LRRC8D: variants seen among roughly 807,000 people sequenced by gnomAD.
The protein encoded by LRRC8D is volume-regulated anion channel subunit LRRC8D.
In LRRC8D, 20 loss-of-function variants were observed where a neutral mutation model predicts 55.8. The observed-to-expected ratio is 0.36, with a 90% confidence interval of 0.25 to 0.52. The LOEUF (loss-of-function observed/expected upper bound fraction) is 0.52. LRRC8D is among the 20% of genes least tolerant of loss of function. The probability of loss-of-function intolerance (pLI) is 0.93; values close to 1 mark genes in which losing one functional copy is unlikely to be tolerated. For missense variants in LRRC8D, 651 were observed against 1,030.8 expected (o/e 0.63, Z 5.05); for synonymous variants, 352 against 377.0 (o/e 0.93, Z 0.77).
intron 2 of LRRC8D, among the ~76,000 whole-genome samples, chr1:89,930,324 A>G (rs1479247941): frequency 6.6e-6 from 1 of 152,172 alleles, no homozygotes; most frequent in Non-Finnish European, 1.5e-5. Context: ...CCTCCCAAGT[A>G]GCTGGGATTA....
chr1:89,827,678 A>G (rs1440529832), intron 1 of LRRC8D, among the ~76,000 whole-genome samples: 6 of 152,206 alleles, frequency 3.9e-5, no homozygotes, highest in Non-Finnish European at 7.3e-5. Context: ...ACTTTATTCT[A>G]ATAAGCCCAA....
At chr1:89,824,976 C>T (rs1461951559) in intron 1 of LRRC8D, among the ~76,000 whole-genome samples, 1 of 152,156 alleles carries the variant, frequency 6.6e-6, no homozygotes, top group Non-Finnish European at 1.5e-5. Context: ...TCAAAACCCC[C>T]AGATATTTGC....
At chr1:89,890,187 C>T (rs1425442135) in intron 2 of LRRC8D, among the ~76,000 whole-genome samples, 2 of 151,638 alleles carry the variant, frequency 1.3e-5, no homozygotes, top group African/African-American at 2.4e-5. Flanking sequence ...GACTCTGTCT[C>T]AATAAATAAA....
chr1:89,821,352 G>A (rs1427178560), intron 1 of LRRC8D, 61 bp downstream of exon 1: 1 of 152,136 alleles, frequency 6.6e-6, no homozygotes, highest in East Asian at 1.9e-4. Context: ...CGCGCAGGTG[G>A]AGCCGCGCCG....
intron 2 of LRRC8D, among the ~76,000 whole-genome samples, chr1:89,896,396 G>A (rs769984871): frequency 6.6e-6 from 1 of 152,180 alleles, no homozygotes; most frequent in Non-Finnish European, 1.5e-5. Flanking sequence ...TGCCTGGCTC[G>A]TGGTCACGTA....
chr1:89,897,206 C>T (rs888170141), intron 2 of LRRC8D, among the ~76,000 whole-genome samples: 1 of 152,190 alleles, frequency 6.6e-6, no homozygotes, highest in African/African-American at 2.4e-5. Flanking sequence ...AATTCAGTGG[C>T]AATATACCTT....
rs11662 is a variant in LRRC8D at position 89,935,846 on chromosome 1, A to G, written c.*201A>G. 0.052 allele frequency: 19,727 copies of G among 378,388 alleles called. 2,374 individuals carry two copies. Among genetic ancestry groups the G allele is most frequent in the African/African-American group, 0.32 (14,905 of 46,878 alleles). 23.4% of individuals were successfully genotyped at this position (378,388 alleles called of 1,614,324 possible). A position where few individuals can be genotyped will look rare whatever the true frequency, so the allele number is the denominator to read the frequency against. ...GTTTTAAGTCATTCATTTCCAAATC[A>G]TTTTTTTTTTTCTTTTGGGGAAAGG... is the stretch of plus-strand genomic sequence containing the variant. On this transcript the variant is annotated 3_prime_UTR_variant, in exon 3 of 3. Transcript: ENST00000337338.
At chr1:89,903,191 T>C (rs1662907883) in intron 2 of LRRC8D, among the ~76,000 whole-genome samples, 1 of 151,488 alleles carries the variant, frequency 6.6e-6, no homozygotes, top group East Asian at 1.9e-4. Flanking sequence ...ATCATTGCAC[T>C]GTATGTTCTC....
intron 2 of LRRC8D, among the ~76,000 whole-genome samples, chr1:89,853,333 G>A (rs1395371425): frequency 6.6e-6 from 1 of 152,174 alleles, no homozygotes; most frequent in Admixed American, 6.5e-5. Flanking sequence ...TGTCTGTGGG[G>A]CATTCTTTTG....
At chr1:89,840,378 T>C (rs1345420705) in intron 1 of LRRC8D, among the ~76,000 whole-genome samples, 1 of 152,198 alleles carries the variant, frequency 6.6e-6, no homozygotes, top group Non-Finnish European at 1.5e-5. Flanking sequence ...TGTCAGGGGC[T>C]GTGTTGTATT....
chr1:89,915,012 T>C (rs1430277871), intron 2 of LRRC8D, among the ~76,000 whole-genome samples: 6 of 146,774 alleles, frequency 4.1e-5, no homozygotes, highest in African/African-American at 1.6e-4. Context: ...TCTATCTTGC[T>C]CTACTGTGTG....
At chr1:89,821,616 C>T (rs1660634392) in intron 1 of LRRC8D, among the ~76,000 whole-genome samples, 1 of 152,184 alleles carries the variant, frequency 6.6e-6, no homozygotes, top group Non-Finnish European at 1.5e-5. Context: ...GCGCTCCCTT[C>T]TCTCACCTCC....
chr1:89,839,484 A>G (rs1432337356), intron 1 of LRRC8D, among the ~76,000 whole-genome samples: 3 of 152,092 alleles, frequency 2.0e-5, no homozygotes, highest in African/African-American at 7.2e-5. Flanking sequence ...TCTTACAGGC[A>G]TATTTTTTTT....
chr1:89,824,046 G>T (rs1201951288), intron 1 of LRRC8D, among the ~76,000 whole-genome samples: 2 of 152,174 alleles, frequency 1.3e-5, no homozygotes, highest in Non-Finnish European at 2.9e-5. Context: ...AGACATTGAG[G>T]AATGTCGGAG....
intron 2 of LRRC8D, among the ~76,000 whole-genome samples, chr1:89,856,415 A>C (rs1661554927): frequency 6.6e-6 from 1 of 152,230 alleles, no homozygotes; most frequent in Non-Finnish European, 1.5e-5. Flanking sequence ...ATGAGAGGTT[A>C]TTTTAAAGAA....
intron 2 of LRRC8D, among the ~76,000 whole-genome samples, chr1:89,875,661 T>G (rs1662128915): frequency 6.6e-6 from 1 of 152,232 alleles, no homozygotes; most frequent in Non-Finnish European, 1.5e-5. Context: ...TGTTGTCATC[T>G]GACACTGTAC....
chr1:89,934,250 A>T lies in LRRC8D; in HGVS notation c.1182A>T (p.Glu394Asp). The change falls in exon 3 of 3, where the codon GAA becomes GAT. Residue 394 changes from glutamate (E) to aspartate (D), a missense_variant. This residue lies in a region of LRRC8D where 178 missense variants were observed against 374.9 expected (regional missense o/e 0.47). Coordinates refer to ENST00000337338, the MANE Select transcript of LRRC8D (RefSeq NM_001134479.2). This position sits in a 1 kb window ranked among gnomAD's most constrained non-coding sequence, Gnocchi z 5.9. ...GGTTATTCAGGATACCTTTGAAGGAATATTCTTTCGAAAAAGTCAGAGAAG... is the reference window on the plus strand; with the variant it reads ...GGTTATTCAGGATACCTTTGAAGGATTATTCTTTCGAAAAAGTCAGAGAAG... ...LFWLFRIPLK[E>D]YSFEKVREES... 2 of 1,614,212 alleles carry T rather than the reference A, an allele frequency of 1.2e-6. No homozygotes were observed. Among genetic ancestry groups the T allele is most frequent in the South Asian group, 2.2e-5 (2 of 91,084 alleles).
At chr1:89,860,756 CAAAA>C (rs1181859656) in intron 2 of LRRC8D, among the ~76,000 whole-genome samples, 20 of 18,836 alleles carry the variant, frequency 1.1e-3, no homozygotes, top group African/African-American at 3.3e-3. Context: ...GACTCTATCT[CAAAA>C]AAAAAAAAAA....
chr1:89,830,998 C>T (rs149622985), intron 1 of LRRC8D, among the ~76,000 whole-genome samples: 4,905 of 151,410 alleles, frequency 0.032, 119 homozygotes, highest in South Asian at 0.052. Flanking sequence ...CTCCGCCTCC[C>T]GGGTTCAAGC....
Sources: gnomAD v4.1 joint callset for allele counts (sites outside exome capture counted in the v4.1 genomes callset) on GRCh38, gnomAD v4.1.1 for gene constraint, gnomAD v4.1.1 regional missense constraint, Gnocchi (gnomAD v3.1) non-coding constraint, MANE v1.5 for transcripts, NCBI Gene and HGNC (gene_info 2026-07-23, HGNC 2026-07-21) for gene names.